CHST12: variants seen among roughly 807,000 people sequenced by gnomAD.
CHST12 encodes the protein carbohydrate (chondroitin 4) sulfotransferase 12.
In CHST12, 23 loss-of-function variants were observed where a neutral mutation model predicts 27.9. That is an observed-to-expected ratio of 0.82 (90% CI 0.59 to 1.17). The LOEUF is 1.17. Among genes scored for constraint, CHST12 ranks in the 50% most tolerant of loss-of-function variants. The pLI is 0.00. For synonymous variants in CHST12, 322 were observed against 273.0 expected, an observed-to-expected ratio of 1.18 and a Z score of -1.77; for missense variants, 682 against 603.0, an observed-to-expected ratio of 1.13 and a Z score of -1.37.
chr7:2,427,358 C>G (rs563594207), intron 1 of CHST12, among the ~76,000 whole-genome samples: 1 of 151,920 alleles, frequency 6.6e-6, no homozygotes. Flanking sequence ...AAAATTAGCC[C>G]GGCCCAGTGG....
In CHST12 at chr7:2,434,179, G is replaced by T. The variant is rs938230935; in HGVS notation, c.*295G>T. 14 of 251,456 alleles carry T rather than the reference G, an allele frequency of 5.6e-5. No individual in the cohort carries two copies. The highest frequency in any genetic ancestry group is 2.9e-4 in the African/African-American group (12 of 42,018). The allele number at this position is 251,456 out of a possible 1,614,324, so 15.6% of individuals were successfully genotyped here. The stretch of plus-strand genomic sequence containing the variant: ...TCTGAGCGTGCGGGCGCCGGGAGGG[G>T]ATGCTGAGGCTGATGGAGCTGCCTC... On this transcript the variant is annotated 3_prime_UTR_variant, in exon 2 of 2. Transcript: ENST00000618655.
rs1260421026 is a variant in CHST12, at chr7:2,443,535, G to A, written c.*9651G>A. The A allele has an allele frequency of 6.6e-6, 1 of 152,250 alleles. No homozygotes were observed. Among genetic ancestry groups the A allele is most frequent in the Non-Finnish European group, 1.5e-5 (1 of 68,056 alleles). The allele number at this position is 152,250 out of a possible 1,614,324, so 9.4% of individuals were successfully genotyped here. ...GGAGTATATGCCTAGGAGTAGGAGT[G>A]TGGGGTCATATGGTAATTTATCTTT... On this transcript the variant is annotated 3_prime_UTR_variant, in exon 2 of 2. Transcript: ENST00000618655.
In CHST12 at chr7:2,405,861, T is replaced by G. The variant is rs112332132; in HGVS notation, c.-78+2188T>G. On this transcript the variant is annotated intron_variant, in intron 1 of 1. Coordinates refer to ENST00000618655, the MANE Select transcript of CHST12 (RefSeq NM_018641.5). ...GTATTGGTGGCCATCCTGGAGGAGA[T>G]GTGACCTGGTGGAGAAGAGACAGCC... is the stretch of plus-strand genomic sequence containing the variant. Among the ~76,000 whole-genome samples, 561 of 152,212 alleles carry G rather than the reference T, an allele frequency of 3.7e-3. 3 individuals are homozygous for G. Among genetic ancestry groups the G allele is most frequent in the African/African-American group, 0.013 (529 of 41,520 alleles).
intron 1 of CHST12, among the ~76,000 whole-genome samples, chr7:2,410,501 A>G (rs542515093): frequency 7.9e-5 from 12 of 152,248 alleles, no homozygotes; most frequent in African/African-American, 1.9e-4. Flanking sequence ...GTGAGACACT[A>G]CTCTAAAAAT....
intron 1 of CHST12, among the ~76,000 whole-genome samples, chr7:2,422,492 G>A (rs996386327): frequency 5.9e-5 from 9 of 151,886 alleles, no homozygotes; most frequent in South Asian, 2.1e-4. Flanking sequence ...TGATCCACCC[G>A]CCTCGGCCTC....
intron 1 of CHST12, among the ~76,000 whole-genome samples, chr7:2,405,875 GAA>G (rs1388264388): frequency 6.6e-6 from 1 of 152,198 alleles, no homozygotes; most frequent in African/African-American, 2.4e-5. Flanking sequence ...ACCTGGTGGA[GAA>G]GAGACAGCCT....
rs1782450340 is a variant in CHST12, at chr7:2,435,502, C to T, written c.*1618C>T. 1.3e-5 allele frequency: 2 copies of T among 152,264 alleles called. No individual in the cohort carries two copies. The highest frequency in any genetic ancestry group is 1.3e-4 in the Admixed American group (2 of 15,274). The allele number at this position is 152,264 out of a possible 1,614,324, so 9.4% of individuals were successfully genotyped here. On this transcript the variant is annotated 3_prime_UTR_variant, in exon 2 of 2. Coordinates refer to ENST00000618655, the MANE Select transcript of CHST12 (RefSeq NM_018641.5). Reference sequence around the variant, plus strand: ...GTGTCAGAGGAGGCTCTGGAAACATCTGGCTGAAACTCCTTTGCTATTTCT... The same window carrying T: ...GTGTCAGAGGAGGCTCTGGAAACATTTGGCTGAAACTCCTTTGCTATTTCT...
At chr7:2,423,214 G>GGTGAGCCAAGGTCACACCACTGTA (rs1782022222) in intron 1 of CHST12, among the ~76,000 whole-genome samples, 1 of 151,948 alleles carries the variant, frequency 6.6e-6, no homozygotes, top group African/African-American at 2.4e-5. Flanking sequence ...TGGAGGCTGT[G>GGTGAGCCAAGGTCACACCACTGTA]GTGAGCCAAG....
At chr7:2,418,565 A>G (rs891917549) in intron 1 of CHST12, among the ~76,000 whole-genome samples, 3 of 152,126 alleles carry the variant, frequency 2.0e-5, no homozygotes, top group Admixed American at 1.3e-4. Flanking sequence ...ATCATGTCCT[A>G]TTTCTTTTTA....
At chr7:2,427,028 G>C (rs534370789) in intron 1 of CHST12, among the ~76,000 whole-genome samples, 225 of 147,764 alleles carry the variant, frequency 1.5e-3, no homozygotes, top group African/African-American at 5.5e-3. Flanking sequence ...ACATATAAAT[G>C]AAAAAGTACT....
At chr7:2,425,257 G>T (rs1447719252) in intron 1 of CHST12, among the ~76,000 whole-genome samples, 1 of 151,202 alleles carries the variant, frequency 6.6e-6, no homozygotes, top group African/African-American at 2.4e-5. Context: ...ACAAACCCCG[G>T]CCCAGTGAGG....
intron 1 of CHST12, among the ~76,000 whole-genome samples, chr7:2,417,438 G>A (rs1223541552): frequency 6.9e-6 from 1 of 144,216 alleles, no homozygotes; most frequent in East Asian, 2.0e-4. Context: ...TGCCCAGGCT[G>A]GAGTACAGTG....
chr7:2,434,947 G>A lies in CHST12; in HGVS notation c.*1063G>A, dbSNP rs926459345. 1 of 152,096 alleles carries A rather than the reference G, an allele frequency of 6.6e-6. No homozygotes were observed. Among genetic ancestry groups the A allele is most frequent in the Non-Finnish European group, 1.5e-5 (1 of 68,118 alleles). 9.4% of individuals were successfully genotyped at this position (152,096 alleles called of 1,614,324 possible). A position where few individuals can be genotyped will look rare whatever the true frequency, so the allele number is the denominator to read the frequency against. The stretch of plus-strand genomic sequence containing the variant: ...CTACAAAAAATAAAAAGGACGTGGT[G>A]GTGCACATCTGTAAACCCAGCTACT... On this transcript the variant is annotated 3_prime_UTR_variant, in exon 2 of 2. Transcript: ENST00000618655.
At chr7:2,423,606 G>A (rs1366801760) in intron 1 of CHST12, among the ~76,000 whole-genome samples, 1 of 152,196 alleles carries the variant, frequency 6.6e-6, no homozygotes, top group Non-Finnish European at 1.5e-5. Context: ...TGGGTGCTGG[G>A]CTTCTCTGCC....
At chr7:2,404,188 A>T (rs936956573) in intron 1 of CHST12, 10 of 152,296 alleles carry the variant, frequency 6.6e-5, no homozygotes, top group African/African-American at 2.2e-4. Flanking sequence ...GAGCCTGCAG[A>T]CGCCAGCAGC....
intron 1 of CHST12, among the ~76,000 whole-genome samples, chr7:2,409,604 A>G (rs1162423710): frequency 6.9e-6 from 1 of 145,622 alleles, no homozygotes; most frequent in Non-Finnish European, 1.5e-5. Context: ...CCTGGGTGAC[A>G]GAGCAAGATC....
intron 1 of CHST12, among the ~76,000 whole-genome samples, chr7:2,409,004 T>C (rs767294997): frequency 6.6e-6 from 1 of 152,106 alleles, no homozygotes; most frequent in Non-Finnish European, 1.5e-5. Context: ...GCGGGATTAG[T>C]GATAAGTACT....
intron 1 of CHST12, among the ~76,000 whole-genome samples, chr7:2,405,766 A>C (rs558609025): frequency 3.2e-4 from 49 of 152,094 alleles, no homozygotes; most frequent in Non-Finnish European, 3.1e-4. Flanking sequence ...TGCGATGAGG[A>C]GCGCTGCGGC....
rs752588555 is a variant in CHST12, at chr7:2,433,539, C to T, written c.900C>T (p.Phe300=). The change falls in exon 2 of 2, where the codon TTC becomes TTT. Residue 300 remains phenylalanine (F), a synonymous_variant. Coordinates refer to ENST00000618655, the MANE Select transcript of CHST12 (RefSeq NM_018641.5). The surrounding 1 kb of genome is among the most constrained non-coding windows in gnomAD (Gnocchi z 6.1). ...TCCGCGCTGGCCTCAAGGTGTCCTT[C>T]GCCAACTTCATCCAGTACCTGCTGG... ...EAFRAGLKVS[F]ANFIQYLLDP... is the part of the protein sequence containing the mutation. 17 of 1,613,100 alleles carry T rather than the reference C, an allele frequency of 1.1e-5. 1 individual carries two copies. The East Asian group carries it at 1.1e-4, about 11-fold the overall frequency.
Sources: gnomAD v4.1 joint callset for allele counts (sites outside exome capture counted in the v4.1 genomes callset) on GRCh38, gnomAD v4.1.1 for gene constraint, Gnocchi (gnomAD v3.1) non-coding constraint, MANE v1.5 for transcripts, NCBI Gene and HGNC (gene_info 2026-07-23, HGNC 2026-07-21) for gene names.